Variants in SUMF1 observed in about 807,000 individuals in gnomAD.
The protein encoded by SUMF1 is formylglycine-generating enzyme.
SUMF1 carries 48 observed loss-of-function variants against 47.6 expected under a neutral mutation model. The observed-to-expected ratio is 1.01, with a 90% CI of 0.80 to 1.28. The LOEUF (loss-of-function observed/expected upper bound fraction) is 1.28, where lower values mean the gene tolerates loss of function less well. Ranked by LOEUF, SUMF1 falls within the 50% of genes most tolerant of loss-of-function variation. The pLI is 0.00. For synonymous variants in SUMF1, 230 were observed against 192.1 expected (o/e 1.20, Z -1.63); for missense variants, 571 against 485.4 (o/e 1.18, Z -1.66).
intron 8 of SUMF1, among the ~76,000 whole-genome samples, chr3:4,129,833 A>G (rs1187579090): frequency 6.6e-6 from 1 of 152,076 alleles, no homozygotes; most frequent in Non-Finnish European, 1.5e-5. Flanking sequence ...CTCAGGTCCA[A>G]CTTACACTGG....
chr3:4,046,861 C>T (rs907840767), intron 9 of SUMF1, among the ~76,000 whole-genome samples: 4 of 151,560 alleles, frequency 2.6e-5, no homozygotes, highest in Non-Finnish European at 5.9e-5. Context: ...AGTTTTGTCA[C>T]TTCACTGCTT....
At chr3:4,070,524 C>G (rs1003179853) in intron 8 of SUMF1, among the ~76,000 whole-genome samples, 1 of 152,160 alleles carries the variant, frequency 6.6e-6, no homozygotes, top group African/African-American at 2.4e-5. Flanking sequence ...TCATCATATC[C>G]TTTCTTAATT....
At chr3:4,138,694 G>A (rs909538005) in intron 8 of SUMF1, among the ~76,000 whole-genome samples, 1 of 151,952 alleles carries the variant, frequency 6.6e-6, no homozygotes, top group Non-Finnish European at 1.5e-5. Context: ...TTCCTATTTG[G>A]GCCCCTTTCA....
intron 8 of SUMF1, among the ~76,000 whole-genome samples, chr3:4,140,248 C>A (rs1438756429): frequency 2.6e-5 from 4 of 152,082 alleles, no homozygotes; most frequent in Admixed American, 2.0e-4. Context: ...AAATTCTAGA[C>A]ACTGATGTGA....
At chr3:4,061,410 C>T (rs901618666) in intron 9 of SUMF1, among the ~76,000 whole-genome samples, 1 of 152,136 alleles carries the variant, frequency 6.6e-6, no homozygotes, top group Non-Finnish European at 1.5e-5. Flanking sequence ...TGACTCCCTG[C>T]TTCCTGCTGA....
chr3:4,241,127 C>A (rs1696528257), intron 8 of SUMF1, among the ~76,000 whole-genome samples: 1 of 152,068 alleles, frequency 6.6e-6, no homozygotes, highest in Non-Finnish European at 1.5e-5. Flanking sequence ...GGGTTAGGAA[C>A]TACAAGGTAA....
chr3:4,035,118 G>C (rs1694770586), intron 9 of SUMF1, among the ~76,000 whole-genome samples: 1 of 152,114 alleles, frequency 6.6e-6, no homozygotes, highest in South Asian at 2.1e-4. Flanking sequence ...GACATTTTGA[G>C]TTTTTAAAGC....
At chr3:4,073,247 C>T (rs539845761) in intron 8 of SUMF1, among the ~76,000 whole-genome samples, 4 of 152,166 alleles carry the variant, frequency 2.6e-5, no homozygotes, top group Non-Finnish European at 4.4e-5. Context: ...GATTCATAAG[C>T]AAAGGAGAAA....
intron 8 of SUMF1, among the ~76,000 whole-genome samples, chr3:4,247,580 T>C (rs531571780): frequency 1.1e-4 from 17 of 151,760 alleles, no homozygotes; most frequent in Middle Eastern, 3.4e-3. Context: ...TGGAGATTTG[T>C]AGTGCTAGCG....
At chr3:4,438,133 G>A (rs998915191) in intron 3 of SUMF1, among the ~76,000 whole-genome samples, 1 of 151,396 alleles carries the variant, frequency 6.6e-6, no homozygotes, top group African/African-American at 2.4e-5. Flanking sequence ...GGTAAGACAT[G>A]CTTTTCTTAC....
At chr3:4,056,381 C>T (rs1191125447) in intron 9 of SUMF1, among the ~76,000 whole-genome samples, 1 of 151,936 alleles carries the variant, frequency 6.6e-6, no homozygotes, top group Non-Finnish European at 1.5e-5. Flanking sequence ...AAAATATTAA[C>T]AATATTTATT....
chr3:4,349,419 A>G (rs993647395), intron 8 of SUMF1, among the ~76,000 whole-genome samples: 8 of 152,236 alleles, frequency 5.3e-5, no homozygotes, highest in Admixed American at 1.3e-4. Context: ...TGTGGAAGAC[A>G]GTATGGTGAT....
At chr3:4,292,146 A>G (rs1697753678) in intron 8 of SUMF1, among the ~76,000 whole-genome samples, 1 of 152,236 alleles carries the variant, frequency 6.6e-6, no homozygotes, top group East Asian at 1.9e-4. Flanking sequence ...CTTATTTATC[A>G]ATTATTAATT....
At chr3:4,331,824 C>G (rs1402459856) in intron 8 of SUMF1, among the ~76,000 whole-genome samples, 4 of 151,934 alleles carry the variant, frequency 2.6e-5, no homozygotes, top group Non-Finnish European at 5.9e-5. Flanking sequence ...AGCAAGACTC[C>G]ATCTCCAAAA....
intron 8 of SUMF1, among the ~76,000 whole-genome samples, chr3:4,271,494 G>GATAC (rs1234160749): frequency 6.6e-6 from 1 of 151,720 alleles, no homozygotes; most frequent in African/African-American, 2.4e-5. Flanking sequence ...TAGATAGATA[G>GATAC]ATAGATAGAT....
At chr3:4,134,248 C>T (rs534810682) in intron 8 of SUMF1, among the ~76,000 whole-genome samples, 32 of 152,160 alleles carry the variant, frequency 2.1e-4, no homozygotes, top group Middle Eastern at 3.4e-3. Flanking sequence ...TGTAAAAGAA[C>T]AGAAATTATA....
chr3:4,128,230 A>C (rs1208578140), intron 8 of SUMF1, among the ~76,000 whole-genome samples: 1 of 152,174 alleles, frequency 6.6e-6, no homozygotes, highest in East Asian at 1.9e-4. Flanking sequence ...CGAGTGACTG[A>C]CCTGCAACAA....
chr3:4,335,875 G>T (rs1173949263), intron 8 of SUMF1, among the ~76,000 whole-genome samples: 1 of 147,528 alleles, frequency 6.8e-6, no homozygotes, highest in African/African-American at 2.5e-5. Context: ...CAGGAGAATT[G>T]CTTGAATCCA....
chr3:4,263,656 A>G (rs1697132336), intron 8 of SUMF1, among the ~76,000 whole-genome samples: 2 of 152,172 alleles, frequency 1.3e-5, no homozygotes, highest in Admixed American at 6.5e-5. Context: ...CTTTGCCTAT[A>G]AAATCCTTCT....
Sources: allele counts gnomAD v4.1 joint callset (sites outside exome capture counted in the v4.1 genomes callset), GRCh38; gene constraint gnomAD v4.1.1; transcripts MANE v1.5; gene names NCBI Gene and HGNC (gene_info 2026-07-23, HGNC 2026-07-21).